Variants in MARCHF1 observed in about 807,000 individuals in gnomAD.
MARCHF1 encodes membrane associated ring-CH-type finger 1, also known as E3 ubiquitin-protein ligase MARCHF1.
MARCHF1 carries 40 observed loss-of-function variants against 54.2 expected under a neutral mutation model. The ratio of observed to expected loss-of-function variants is 0.74; its 90% confidence interval spans 0.57 to 0.96. The LOEUF (loss-of-function observed/expected upper bound fraction) is 0.96. Ranked by LOEUF, MARCHF1 falls within the 40% of genes least tolerant of loss-of-function variation. The pLI is 0.00. For missense variants in MARCHF1, 586 were observed against 656.5 expected, an observed-to-expected ratio of 0.89 and a Z score of 1.17; for synonymous variants, 236 against 236.3, an observed-to-expected ratio of 1.00 and a Z score of 0.01.
intron 1 of MARCHF1, among the ~76,000 whole-genome samples, chr4:164,146,665 A>T (rs1400102433): frequency 6.6e-6 from 1 of 152,078 alleles, no homozygotes; most frequent in African/African-American, 2.4e-5. Flanking sequence ...CTTATACAAA[A>T]ATCAATTCAA....
At chr4:163,751,324 T>A (rs1172997826) in intron 4 of MARCHF1, among the ~76,000 whole-genome samples, 1 of 152,120 alleles carries the variant, frequency 6.6e-6, no homozygotes, top group African/African-American at 2.4e-5. Flanking sequence ...TGTGTCACTG[T>A]GCTAGGCTTT....
chr4:163,933,266 G>T (rs546171095), intron 3 of MARCHF1: 4 of 680,804 alleles, frequency 5.9e-6, no homozygotes, highest in African/African-American at 3.7e-5. Flanking sequence ...TCCAGACAGG[G>T]TGTCATCCTT....
rs138760748 is a variant in MARCHF1, at chr4:164,069,126, C to T, written c.-248+42462G>A. The stretch of plus-strand genomic sequence containing the variant: ...GGGTTTGTAAATACACCAACTGACA[C>T]TCTGTATCTAGCTAATCTAGTGGGG... On this transcript the variant is annotated intron_variant, in intron 2 of 9. Coordinates refer to ENST00000514618, the MANE Select transcript of MARCHF1 (RefSeq NM_001394959.1). 1.5e-3 allele frequency among the ~76,000 whole-genome samples: 225 copies of T among 152,316 alleles called. 5 individuals are homozygous for T. In the East Asian group the frequency reaches 0.035, roughly 24 times the overall value.
chr4:163,678,637 T>C (rs574454401), intron 5 of MARCHF1, among the ~76,000 whole-genome samples: 3 of 152,330 alleles, frequency 2.0e-5, no homozygotes, highest in Admixed American at 1.3e-4. Flanking sequence ...GTGAGTTATG[T>C]GGCATAAAGC....
chr4:163,663,819 T>C lies in MARCHF1; in HGVS notation c.162+36994A>G, dbSNP rs113899134. On this transcript the variant is annotated intron_variant, in intron 5 of 9. Coordinates refer to ENST00000514618, the MANE Select transcript of MARCHF1 (RefSeq NM_001394959.1). ...GAAGTGAGAATCAAGTATATAAAAA[T>C]TGATAGAAACTAAAAATCTTTAGGC... is the stretch of plus-strand genomic sequence containing the variant. Among the ~76,000 whole-genome samples, 93 of 152,158 alleles carry C rather than the reference T, an allele frequency of 6.1e-4. 1 individual carries two copies. Among genetic ancestry groups the C allele is most frequent in the African/African-American group, 2.0e-3 (85 of 41,552 alleles).
At chr4:164,183,902 G>A (rs957747264) in intron 1 of MARCHF1, among the ~76,000 whole-genome samples, 12 of 152,148 alleles carry the variant, frequency 7.9e-5, no homozygotes, top group African/African-American at 2.4e-4. Flanking sequence ...TTAGGAAGAG[G>A]TAGGAAAGAA....
intron 2 of MARCHF1, among the ~76,000 whole-genome samples, chr4:164,076,360 T>C (rs1051385823): frequency 3.3e-5 from 5 of 152,264 alleles, no homozygotes; most frequent in South Asian, 4.1e-4. Flanking sequence ...CTAAAAACTG[T>C]CAATAAACTA....
At position 163,716,303 on chromosome 4, in the gene MARCHF1, T is replaced by C. The variant is rs557354839; in HGVS notation, c.112-15440A>G. On this transcript the variant is annotated intron_variant, in intron 4 of 9. Coordinates refer to ENST00000514618, the MANE Select transcript of MARCHF1 (RefSeq NM_001394959.1). ...CTAATTTTAAAAATAAGTTTCAGAATACAAAATGCACAATATTATGTTTAT... is the reference window on the plus strand; with the variant it reads ...CTAATTTTAAAAATAAGTTTCAGAACACAAAATGCACAATATTATGTTTAT... Among the ~76,000 whole-genome samples the C allele has an allele frequency of 7.9e-5, 12 of 152,334 alleles. No homozygotes were observed. The South Asian group carries it at 2.5e-3, about 32-fold the overall frequency.
At chr4:163,992,114 G>A (rs1752979106) in intron 2 of MARCHF1, among the ~76,000 whole-genome samples, 1 of 134,648 alleles carries the variant, frequency 7.4e-6, no homozygotes. Context: ...TATTTTGATC[G>A]CAATTAATCA....
chr4:163,527,808 A>G lies in MARCHF1; in HGVS notation c.*940T>C, dbSNP rs1372674735. ...TTTGAAAACTTGGTTCAAGAAACAGATGTAAACTATCAATCAATCAATCAA... is the reference window on the plus strand; with the variant it reads ...TTTGAAAACTTGGTTCAAGAAACAGGTGTAAACTATCAATCAATCAATCAA... On this transcript the variant is annotated 3_prime_UTR_variant, in exon 10 of 10. Coordinates refer to ENST00000514618, the MANE Select transcript of MARCHF1 (RefSeq NM_001394959.1). 1 of 151,614 alleles carries G rather than the reference A, an allele frequency of 6.6e-6. No individual in the cohort carries two copies. Among genetic ancestry groups the G allele is most frequent in the African/African-American group, 2.4e-5 (1 of 41,284 alleles). The allele number at this position is 151,614 out of a possible 1,614,324, so 9.4% of individuals were successfully genotyped here. A position where few individuals can be genotyped will look rare whatever the true frequency, so the allele number is the denominator to read the frequency against.
At chr4:163,778,745 ACACAGAAAGACAAATAC>A (rs1283353198) in intron 4 of MARCHF1, among the ~76,000 whole-genome samples, 1 of 152,176 alleles carries the variant, frequency 6.6e-6, no homozygotes, top group East Asian at 1.9e-4. Context: ...AACAAGTCAG[ACACAGAAAGACAAATAC>A]CACATGTTCT....
chr4:163,609,099 A>G (rs1487426413), intron 7 of MARCHF1, among the ~76,000 whole-genome samples: 1 of 152,038 alleles, frequency 6.6e-6, no homozygotes, highest in African/African-American at 2.4e-5. Flanking sequence ...TAAAAAATGC[A>G]CACATGCCGT....
chr4:163,929,132 G>C (rs12500388), intron 3 of MARCHF1, among the ~76,000 whole-genome samples: 25,636 of 151,906 alleles, frequency 0.17, 2,714 homozygotes, highest in South Asian at 0.34. Flanking sequence ...AACTTTCATT[G>C]TAACTTTATT....
intron 1 of MARCHF1, among the ~76,000 whole-genome samples, chr4:164,351,160 T>C (rs1369064966): frequency 2.6e-5 from 4 of 151,492 alleles, no homozygotes; most frequent in Admixed American, 6.6e-5. Flanking sequence ...GAGATCAAAC[T>C]GCAAGGCGGC....
chr4:164,028,743 TA>T (rs750458968), intron 2 of MARCHF1, among the ~76,000 whole-genome samples: 13 of 151,552 alleles, frequency 8.6e-5, no homozygotes, highest in East Asian at 3.9e-4. Context: ...GAAATGAAAA[TA>T]AAAAAAACAC....
At chr4:164,071,411 T>G (rs1331697487) in intron 2 of MARCHF1, among the ~76,000 whole-genome samples, 1 of 151,998 alleles carries the variant, frequency 6.6e-6, no homozygotes, top group Non-Finnish European at 1.5e-5. Context: ...TATATTTTAT[T>G]TATAATTCAT....
At chr4:164,194,266 A>G (rs975678134) in intron 1 of MARCHF1, among the ~76,000 whole-genome samples, 1 of 152,182 alleles carries the variant, frequency 6.6e-6, no homozygotes, top group Non-Finnish European at 1.5e-5. Context: ...TTCTGCCTAT[A>G]GCGCCAACAA....
chr4:164,282,124 G>A (rs974099320), intron 1 of MARCHF1, among the ~76,000 whole-genome samples: 2 of 150,568 alleles, frequency 1.3e-5, no homozygotes, highest in African/African-American at 4.9e-5. Flanking sequence ...CCATTTACAT[G>A]GAGTTTGTTT....
intron 1 of MARCHF1, among the ~76,000 whole-genome samples, chr4:164,156,534 C>T (rs1730081858): frequency 6.6e-6 from 1 of 152,128 alleles, no homozygotes; most frequent in Admixed American, 6.5e-5. Flanking sequence ...AGCCATCCTC[C>T]TATCTCAGCC....
Sources: gnomAD v4.1 joint callset for allele counts (sites outside exome capture counted in the v4.1 genomes callset) on GRCh38, gnomAD v4.1.1 for gene constraint, MANE v1.5 for transcripts, NCBI Gene and HGNC (gene_info 2026-07-23, HGNC 2026-07-21) for gene names.